Variants in FRMD4A observed in about 807,000 individuals in gnomAD.
The protein encoded by FRMD4A is FERM domain containing 4A, also known as FERM domain-containing protein 4A.
In FRMD4A, 29 loss-of-function variants were observed where a neutral mutation model predicts 129.1. The observed-to-expected ratio is 0.22, with a 90% CI of 0.17 to 0.31. FRMD4A has a LOEUF of 0.31. FRMD4A is among the 10% of genes least tolerant of loss of function. The probability of loss-of-function intolerance (pLI) is 1.00; values close to 1 mark genes in which losing one functional copy is unlikely to be tolerated. For synonymous variants in FRMD4A, 634 were observed against 571.6 expected, an observed-to-expected ratio of 1.11 and a Z score of -1.56; for missense variants, 1,272 against 1,375.8, an observed-to-expected ratio of 0.92 and a Z score of 1.19.
chr10:14,259,689 C>T (rs952419681), intron 2 of FRMD4A, among the ~76,000 whole-genome samples: 3 of 152,144 alleles, frequency 2.0e-5, no homozygotes, highest in Non-Finnish European at 4.4e-5. Flanking sequence ...TGTTTGACTT[C>T]ACTTCATTTT....
intron 4 of FRMD4A, among the ~76,000 whole-genome samples, chr10:13,807,756 G>T (rs1028817936): frequency 6.6e-6 from 1 of 150,926 alleles, no homozygotes; most frequent in Non-Finnish European, 1.5e-5. Context: ...AAGAGTCTCT[G>T]ACAATATATG....
intron 2 of FRMD4A, among the ~76,000 whole-genome samples, chr10:14,122,796 G>T: frequency 6.6e-6 from 1 of 152,088 alleles, no homozygotes; most frequent in East Asian, 1.9e-4. Flanking sequence ...TGGGGACACA[G>T]ATCCAAACCA....
chr10:14,039,079 T>C (rs1230374010), intron 2 of FRMD4A, among the ~76,000 whole-genome samples: 1 of 152,204 alleles, frequency 6.6e-6, no homozygotes, highest in Non-Finnish European at 1.5e-5. Context: ...CCGAGCTTGT[T>C]GCTTTCTATT....
chr10:14,276,030 C>A (rs1361354229), intron 2 of FRMD4A, among the ~76,000 whole-genome samples: 2 of 152,110 alleles, frequency 1.3e-5, no homozygotes, highest in African/African-American at 4.8e-5. Context: ...AAGGAAAGAC[C>A]TTGTCTCAAA....
At chr10:13,673,768 G>GC (rs1243386690) in intron 16 of FRMD4A, among the ~76,000 whole-genome samples, 1 of 133,370 alleles carries the variant, frequency 7.5e-6, no homozygotes, top group Admixed American at 7.6e-5. Context: ...AGAAAGCATT[G>GC]CTTTTTTTTT....
At chr10:13,842,849 A>G (rs1360402027) in intron 3 of FRMD4A, among the ~76,000 whole-genome samples, 2 of 152,214 alleles carry the variant, frequency 1.3e-5, no homozygotes, top group Non-Finnish European at 2.9e-5. Context: ...AAATAAAAAT[A>G]AAAGACAGTG....
chr10:14,087,400 T>C (rs1482200022), intron 2 of FRMD4A: 1 of 150,062 alleles, frequency 6.7e-6, no homozygotes, highest in Non-Finnish European at 1.5e-5. Flanking sequence ...TCTATTTAAT[T>C]CCAAGCATTG....
chr10:14,221,324 T>C (rs933374807), intron 2 of FRMD4A, among the ~76,000 whole-genome samples: 4 of 152,010 alleles, frequency 2.6e-5, no homozygotes, highest in Admixed American at 2.6e-4. Flanking sequence ...TAGAGAGGCT[T>C]TGGGGAAGGG....
intron 2 of FRMD4A, among the ~76,000 whole-genome samples, chr10:14,117,427 G>A (rs1175935262): frequency 6.6e-6 from 1 of 152,222 alleles, no homozygotes; most frequent in African/African-American, 2.4e-5. Context: ...CTACTTCTGA[G>A]CTAGCAGGAG....
chr10:13,979,872 A>C (rs2095554614), intron 2 of FRMD4A, among the ~76,000 whole-genome samples: 1 of 152,212 alleles, frequency 6.6e-6, no homozygotes, highest in African/African-American at 2.4e-5. Context: ...GGCCATGCCT[A>C]CATAAAATCC....
Position 14,090,485 on chromosome 10 carries a change from G to A in FRMD4A, c.46-231573C>T, listed in dbSNP as rs1379954095. ...GTGGGCATCATGGAAACAGCACTTTGCAGGCACCTGAGTGAAGCACAGGAA... is the reference window on the plus strand; with the variant it reads ...GTGGGCATCATGGAAACAGCACTTTACAGGCACCTGAGTGAAGCACAGGAA... On this transcript the variant is annotated intron_variant, in intron 2 of 24. Coordinates refer to ENST00000357447, the MANE Select transcript of FRMD4A (RefSeq NM_018027.5). Among the ~76,000 whole-genome samples the A allele has an allele frequency of 2.6e-5, 4 of 152,320 alleles. No homozygotes were observed. The South Asian group carries it at 6.2e-4, about 24-fold the overall frequency.
intron 3 of FRMD4A, among the ~76,000 whole-genome samples, chr10:13,857,019 C>A (rs2094223251): frequency 6.6e-6 from 1 of 152,126 alleles, no homozygotes; most frequent in African/African-American, 2.4e-5. Context: ...TTAACGAGAT[C>A]TCACTCAATT....
intron 2 of FRMD4A, chr10:13,891,813 AGCCC>A: frequency 1.1e-6 from 1 of 883,108 alleles, no homozygotes; most frequent in Non-Finnish European, 1.3e-6. Flanking sequence ...GTCAGCCCAT[AGCCC>A]GCTCGCGCCT....
chr10:13,825,319 C>A (rs967341738), intron 3 of FRMD4A, among the ~76,000 whole-genome samples: 1 of 152,028 alleles, frequency 6.6e-6, no homozygotes, highest in East Asian at 1.9e-4. Context: ...AGGTGGGGAG[C>A]GTCAACACTA....
chr10:13,739,062 C>T (rs11598683), intron 11 of FRMD4A, among the ~76,000 whole-genome samples: 5,809 of 152,246 alleles, frequency 0.038, 126 homozygotes, highest in African/African-American at 0.058. Context: ...CCCTAATTGC[C>T]AAGTTTCTAA....
intron 6 of FRMD4A, among the ~76,000 whole-genome samples, chr10:13,765,125 T>C (rs1420741842): frequency 6.7e-6 from 1 of 149,062 alleles, no homozygotes; most frequent in Admixed American, 6.7e-5. Context: ...TTTTTTTTTT[T>C]TTTTTTGAGA....
Position 14,330,155 on chromosome 10 carries a change from C to G in FRMD4A, c.-53G>C. 6.5e-7 allele frequency: 1 copy of G among 1,537,764 alleles called. No individual in the cohort carries two copies. The highest frequency in any genetic ancestry group is 1.2e-5 in the South Asian group (1 of 83,790). On this transcript the variant is annotated 5_prime_UTR_variant, in exon 2 of 25. Coordinates refer to ENST00000357447, the MANE Select transcript of FRMD4A (RefSeq NM_018027.5). Reference sequence around the variant, plus strand: ...GCTGCCGAGTCAGTCCTCCTGGGCCCCGGGTGGCTACAGAGCATCCAAAAG... The same window carrying G: ...GCTGCCGAGTCAGTCCTCCTGGGCCGCGGGTGGCTACAGAGCATCCAAAAG...
chr10:14,292,704 G>A (rs998995339), intron 2 of FRMD4A, among the ~76,000 whole-genome samples: 8 of 152,086 alleles, frequency 5.3e-5, no homozygotes, highest in African/African-American at 1.4e-4. Flanking sequence ...GGAGGCTGAC[G>A]CAGAAGAATG....
At chr10:14,044,706 T>C (rs1237498705) in intron 2 of FRMD4A, among the ~76,000 whole-genome samples, 1 of 152,220 alleles carries the variant, frequency 6.6e-6, no homozygotes, top group Non-Finnish European at 1.5e-5. Context: ...ACTTGGGCAC[T>C]GTGGAAGAAC....
Sources: gnomAD v4.1 joint callset for allele counts (sites outside exome capture counted in the v4.1 genomes callset) on GRCh38, gnomAD v4.1.1 for gene constraint, MANE v1.5 for transcripts, NCBI Gene and HGNC (gene_info 2026-07-23, HGNC 2026-07-21) for gene names.